TNS4: variants seen among roughly 807,000 people sequenced by gnomAD.
TNS4 encodes tensin 4, also known as tensin-4.
A neutral mutation model predicts 70.4 loss-of-function variants in TNS4; 46 were observed. The ratio of observed to expected loss-of-function variants is 0.65; its 90% CI spans 0.52 to 0.84. The LOEUF is 0.84. Ranked by LOEUF, TNS4 falls within the 40% of genes least tolerant of loss-of-function variation. The pLI is 0.00. For synonymous variants in TNS4, 390 were observed against 366.6 expected (o/e 1.06, Z -0.73); for missense variants, 863 against 907.0 (o/e 0.95, Z 0.62).
In TNS4 at chr17:40,492,547, T is replaced by C. The variant is rs184195239; in HGVS notation, c.439+3440A>G. 1.1e-4 allele frequency among the ~76,000 whole-genome samples: 17 copies of C among 152,188 alleles called. No homozygotes were observed. The East Asian group carries it at 3.3e-3, about 29-fold the overall frequency. ...CACACCCAACTAATTTTTGTATTTT[T>C]AGTAGAGATGGGTTTTCGCCATGTT... On this transcript the variant is annotated intron_variant, in intron 2 of 12. Transcript: ENST00000254051.
In TNS4 at chr17:40,487,046, T is replaced by C. The variant is rs1229141655; in HGVS notation, c.1278A>G (p.Thr426=). The change falls in exon 4 of 13, where the codon ACA becomes ACG. Residue 426 remains threonine, a synonymous_variant. Transcript: ENST00000254051. The stretch of plus-strand genomic sequence containing the variant: ...TGGTTTACGACGTACCCTCTGGGCA[T>C]GTGGTAAAGGGGGCATCTGACAGGG... ...SQTLSDAPFT[T]CPEGPARDMQ... The C allele has an allele frequency of 1.2e-6, 2 of 1,613,628 alleles. No homozygotes were observed. The highest frequency in any genetic ancestry group is 2.7e-5 in the African/African-American group (2 of 74,916).
Position 40,488,608 on chromosome 17 carries a change from C to T in TNS4, c.801G>A (p.Arg267=), listed in dbSNP as rs746771075. Residue 267 remains arginine, a synonymous_variant, in exon 3 of 13, where the codon CGG becomes CGA. Transcript: ENST00000254051. Reference sequence around the variant, plus strand: ...CTGACAGCACAGAGATCCTGCTGCCCCGCTGTGGGGCCAGGCCTCCCAGCC... The same window carrying T: ...CTGACAGCACAGAGATCCTGCTGCCTCGCTGTGGGGCCAGGCCTCCCAGCC... ...EKRLGGLAPQ[R]GSRISVLSAS... 6.6e-6 allele frequency: 10 copies of T among 1,516,920 alleles called. No homozygotes were observed. The highest frequency in any genetic ancestry group is 2.6e-5 in the South Asian group (2 of 75,574). 94.0% of individuals were successfully genotyped at this position (1,516,920 alleles called of 1,614,324 possible).
In TNS4 at chr17:40,488,941, G is replaced by A. The variant is rs758381082; in HGVS notation, c.468C>T (p.Ala156=). The A allele has an allele frequency of 6.3e-6, 10 of 1,594,560 alleles. No homozygotes were observed. Among genetic ancestry groups the A allele is most frequent in the African/African-American group, 2.7e-5 (2 of 73,586 alleles). ...GGGGGCCATCGTGGCACCTTGATCTGGCGGAGGTCACCTCGATGTACTTTA... is the reference window on the plus strand; with the variant it reads ...GGGGGCCATCGTGGCACCTTGATCTAGCGGAGGTCACCTCGATGTACTTTA... ...LDIKYIEVTS[A]RSRCHDGPQH... Residue 156 remains alanine, a synonymous_variant, in exon 3 of 13, where the codon GCC becomes GCT. Transcript: ENST00000254051.
Position 40,476,650 on chromosome 17 carries a change from C to G in TNS4, c.*938G>C. On this transcript the variant is annotated 3_prime_UTR_variant, in exon 13 of 13. Coordinates refer to ENST00000254051, the MANE Select transcript of TNS4 (RefSeq NM_032865.6). Reference sequence around the variant, plus strand: ...GAGGCCGAAGCAGGTGGATTACCTGCGGTCAGGAGTTCAAGACCAGCCTGG... The same window carrying G: ...GAGGCCGAAGCAGGTGGATTACCTGGGGTCAGGAGTTCAAGACCAGCCTGG... 6.6e-6 allele frequency: 1 copy of G among 152,052 alleles called. No individual in the cohort carries two copies. The highest frequency in any genetic ancestry group is 6.6e-5 in the Admixed American group (1 of 15,262). The allele number at this position is 152,052 out of a possible 1,614,324, so 9.4% of individuals were successfully genotyped here.
At chr17:40,484,760 G>A (rs1373341899) in intron 5 of TNS4, 151 bp from the exon 6 acceptor site, 13 of 1,417,512 alleles carry the variant, frequency 9.2e-6, no homozygotes, top group Admixed American at 2.0e-5. Context: ...TTCTTGCTGT[G>A]GTTCCTACTT....
At chr17:40,489,744 G>A (rs1157063372) in intron 2 of TNS4, among the ~76,000 whole-genome samples, 7 of 146,554 alleles carry the variant, frequency 4.8e-5, no homozygotes, top group Non-Finnish European at 7.4e-5. Flanking sequence ...GCAGTGAGCC[G>A]AGATTGCGCC....
intron 1 of TNS4, 70 bp from the exon 2 acceptor site, chr17:40,496,590 A>C: frequency 1.4e-6 from 1 of 706,948 alleles, no homozygotes; most frequent in Non-Finnish European, 2.2e-6. Context: ...CCCTCCGTAC[A>C]AAGGCTAAGT....
intron 6 of TNS4, among the ~76,000 whole-genome samples, chr17:40,483,707 C>A (rs531771957): frequency 1.3e-5 from 2 of 152,300 alleles, no homozygotes; most frequent in African/African-American, 4.8e-5. Flanking sequence ...ATAAGTAACA[C>A]CCTCCCCAGA....
intron 1 of TNS4, among the ~76,000 whole-genome samples, chr17:40,499,630 C>G (rs2036187920): frequency 2.0e-5 from 3 of 152,230 alleles, no homozygotes. Context: ...TTGGCCAGGT[C>G]CTGCAGGGGG....
intron 6 of TNS4, among the ~76,000 whole-genome samples, chr17:40,483,552 G>A (rs1043710306): frequency 6.6e-6 from 1 of 152,168 alleles, no homozygotes; most frequent in East Asian, 1.9e-4. Context: ...TCTGGTTTCT[G>A]TCTCCCCCTG....
chr17:40,477,963 C>T (rs1389565779), intron 12 of TNS4: 1 of 602,220 alleles, frequency 1.7e-6, no homozygotes, highest in African/African-American at 1.9e-5. Context: ...TGAGTGAGGG[C>T]TCCTTGAGGA....
intron 7 of TNS4, 48 bp from the exon 8 acceptor site, chr17:40,482,254 C>T: frequency 3.7e-6 from 6 of 1,613,820 alleles, no homozygotes; most frequent in East Asian, 2.2e-5. Flanking sequence ...CCCCAACCCA[C>T]CCCTCAGCTC....
Position 40,496,362 on chromosome 17 carries a change from C to T in TNS4, c.64G>A (p.Asp22Asn). 6.2e-7 allele frequency: 1 copy of T among 1,613,452 alleles called. No individual in the cohort carries two copies. The highest frequency in any genetic ancestry group is 8.5e-7 in the Non-Finnish European group (1 of 1,179,938). ...GGGTGCAGGGTCCTCCTGGGCTCAT[C>T]ACAAGGCGCCAAGCTGACAGCATGG... ...GGHAVSLAPC[D>N]EPRRTLHPAP... The change falls in exon 2 of 13, where the codon GAT becomes AAT. Residue 22 changes from aspartate (D) to asparagine (N), a missense_variant. Coordinates refer to ENST00000254051, the MANE Select transcript of TNS4 (RefSeq NM_032865.6).
intron 2 of TNS4, among the ~76,000 whole-genome samples, chr17:40,493,049 C>A (rs1412759410): frequency 2.0e-5 from 3 of 151,966 alleles, no homozygotes; most frequent in Non-Finnish European, 4.4e-5. Context: ...TGCCTGTAGT[C>A]CCAGCTACTG....
At chr17:40,486,266 C>T (rs142197934) in intron 4 of TNS4, among the ~76,000 whole-genome samples, 4 of 152,278 alleles carry the variant, frequency 2.6e-5, no homozygotes, top group African/African-American at 4.8e-5. Context: ...ATTACCCCAT[C>T]CACCCCCTCT....
chr17:40,478,569 C>T lies in TNS4; in HGVS notation c.1979+11G>A, dbSNP rs767133456. On this transcript the variant is annotated intron_variant, in intron 11 of 12. Transcript: ENST00000254051. ...GACAGCCTTCTTAGTTTGGCCCAGC[C>T]TTGAACTTACTTCCGTTGCTCAGGG... 6.2e-7 allele frequency: 1 copy of T among 1,614,098 alleles called. No homozygotes were observed. Among genetic ancestry groups the T allele is most frequent in the Non-Finnish European group, 8.5e-7 (1 of 1,179,972 alleles).
Position 40,477,533 on chromosome 17 carries a change from G to A in TNS4, c.*55C>T. 2 of 1,602,532 alleles carry A rather than the reference G, an allele frequency of 1.2e-6. No homozygotes were observed. The highest frequency in any genetic ancestry group is 1.1e-5 in the South Asian group (1 of 89,736). ...CCACACCCATTCAGGGGGTGGAGGG[G>A]GGCTCCTTAGCGAGCCCCTGGAGGT... On this transcript the variant is annotated 3_prime_UTR_variant, in exon 13 of 13. Coordinates refer to ENST00000254051, the MANE Select transcript of TNS4 (RefSeq NM_032865.6).
chr17:40,480,609 T>C, intron 9 of TNS4, 91 bp downstream of exon 9: 1 of 1,246,190 alleles, frequency 8.0e-7, no homozygotes. Flanking sequence ...TGCCTGTGCG[T>C]GTGTGCGTGC....
chr17:40,487,027 AC>A lies in TNS4; in HGVS notation c.1288+8del, dbSNP rs1465257262. The A allele has an allele frequency of 6.2e-7, 1 of 1,611,658 alleles. No homozygotes were observed. The highest frequency in any genetic ancestry group is 1.7e-5 in the Admixed American group (1 of 59,986). ...CTTACATTGCTTCAAATATTGGTTT[AC>A]GACGTACCCTCTGGGCATGTGGTAA... On this transcript the variant is annotated splice_region_variant and intron_variant, in intron 4 of 12. Transcript: ENST00000254051.
Sources: gnomAD v4.1 joint callset for allele counts (sites outside exome capture counted in the v4.1 genomes callset) on GRCh38, gnomAD v4.1.1 for gene constraint, MANE v1.5 for transcripts, NCBI Gene and HGNC (gene_info 2026-07-23, HGNC 2026-07-21) for gene names.